The following NKX2-5 variants were observed in gnomAD, a reference collection of about 807,000 sequenced individuals.
The protein encoded by NKX2-5 is NK2 homeobox 5, also known as homeobox protein Nkx-2.5.
Under a neutral mutation model 24.5 loss-of-function variants are expected in NKX2-5, and 3 were observed. That is an observed-to-expected ratio of 0.12 (90% CI 0.06 to 0.32). NKX2-5 has a LOEUF of 0.32. Among genes scored for constraint, NKX2-5 ranks in the 10% least tolerant of loss-of-function variants. NKX2-5 has a pLI of 1.00. For synonymous variants in NKX2-5, 215 were observed against 217.6 expected, an observed-to-expected ratio of 0.99 and a Z score of 0.11; for missense variants, 429 against 452.4, an observed-to-expected ratio of 0.95 and a Z score of 0.47.
Position 173,233,162 on chromosome 5 carries a change from C to T in NKX2-5, c.382G>A (p.Asp128Asn), listed in dbSNP as rs779663474. 6 of 1,603,028 alleles carry T rather than the reference C, an allele frequency of 3.7e-6. No individual in the cohort carries two copies. The highest frequency in any genetic ancestry group is 3.3e-5 in the South Asian group (3 of 90,120). Residue 128 changes from aspartate to asparagine, a missense_variant, in exon 2 of 2, where the codon GAC becomes AAC. This residue lies in a region of NKX2-5 where 240 missense variants were observed against 240.4 expected (regional missense o/e 1.00). Coordinates refer to ENST00000329198, the MANE Select transcript of NKX2-5 (RefSeq NM_004387.4). ...CGCGCCCGGGGCCGCTCCGCGTTGT[C>T]CGCCTCTGTCTTCTCCAGCTCCACC... ...KAVELEKTEA[D>N]NAERPRARRR...
chr5:173,232,476 A>T lies in NKX2-5; in HGVS notation c.*93T>A. On this transcript the variant is annotated 3_prime_UTR_variant, in exon 2 of 2. Coordinates refer to ENST00000329198, the MANE Select transcript of NKX2-5 (RefSeq NM_004387.4). The surrounding 1 kb of genome is among the most constrained non-coding windows in gnomAD (Gnocchi z 5.9). Reference sequence around the variant, plus strand: ...CAGGAGTGAATGCAAAATCCAGGGGACTCAGGGTCATGTTGGGAGCCCCTT... The same window carrying T: ...CAGGAGTGAATGCAAAATCCAGGGGTCTCAGGGTCATGTTGGGAGCCCCTT... The T allele has an allele frequency of 6.4e-7, 1 of 1,556,556 alleles. No homozygotes were observed. Among genetic ancestry groups the T allele is most frequent in the East Asian group, 2.3e-5 (1 of 42,878 alleles).
chr5:173,234,861 G>A lies in NKX2-5; in HGVS notation c.223C>T (p.Arg75Cys), dbSNP rs1216673146. The A allele has an allele frequency of 1.3e-6, 2 of 1,591,198 alleles. No homozygotes were observed. The highest frequency in any genetic ancestry group is 1.1e-5 in the South Asian group (1 of 88,524). The stretch of plus-strand genomic sequence containing the variant: ...GCACACTTGGCCGGTGAAGGCGCGC[G>A]GCCCAGCTCTGCGCGCAGCTCTGGG... ...GLPELRAELG[R>C]APSPAKCASA... is the part of the protein sequence containing the mutation. The change falls in exon 1 of 2, where the codon CGC (arginine) becomes TGC (cysteine). Residue 75 changes from arginine to cysteine, a missense_variant. Arg to Cys is a radical substitution (Grantham distance 180). Around this residue, in one of 3 missense-constraint regions of NKX2-5, gnomAD observed 240 missense variants for 240.4 expected, o/e 1.00. Coordinates refer to ENST00000329198, the MANE Select transcript of NKX2-5 (RefSeq NM_004387.4).
rs1761443946 is a variant in NKX2-5 at position 173,235,015 on chromosome 5, C to A, written c.69G>T (p.Gln23His). ...CTCCGGCGGCAGCCAGGCTGCGCTG[C>A]TGCTGTTCCAGGTTTAGGATGTCTT... is the stretch of plus-strand genomic sequence containing the variant. ...SVKDILNLEQ[Q>H]QRSLAAAGEL... Residue 23 changes from glutamine to histidine, a missense_variant, in exon 1 of 2, where the codon CAG becomes CAT. By Grantham distance (24) the Gln-to-His change is conservative. Transcript: ENST00000329198. 6.2e-7 allele frequency: 1 copy of A among 1,612,182 alleles called. No individual in the cohort carries two copies. The highest frequency in any genetic ancestry group is 1.3e-5 in the African/African-American group (1 of 74,840).
chr5:173,233,417 C>T (rs1761374780), intron 1 of NKX2-5: 4 of 1,532,442 alleles, frequency 2.6e-6, no homozygotes, highest in Non-Finnish European at 3.5e-6. Flanking sequence ...TGGCTCAAGG[C>T]GCTGGAGAAC....
chr5:173,233,070 C>A lies in NKX2-5; in HGVS notation c.474G>T (p.Lys158Asn), dbSNP rs1057518548. The change falls in exon 2 of 2, where the codon AAG becomes AAT. Residue 158 changes from lysine to asparagine, a missense_variant. Around this residue, in one of 3 missense-constraint regions of NKX2-5, gnomAD observed 240 missense variants for 240.4 expected, o/e 1.00. Coordinates refer to ENST00000329198, the MANE Select transcript of NKX2-5 (RefSeq NM_004387.4). ...AQVYELERRF[K>N]QQRYLSAPER... ...CGGGGGCCGACAGGTACCGCTGCTG[C>A]TTGAAGCGCCGCTCCAGCTCATAGA... The A allele has an allele frequency of 6.2e-7, 1 of 1,602,510 alleles. No individual in the cohort carries two copies. Among genetic ancestry groups the A allele is most frequent in the African/African-American group, 1.3e-5 (1 of 74,874 alleles).
rs756023940 is a variant in NKX2-5, at chr5:173,233,356, T to G, written c.335-147A>C. On this transcript the variant is annotated intron_variant, in intron 1 of 1. Transcript: ENST00000329198. ...GCTGGCTGCGGCTCACTCTGCCAAG[T>G]GCACTGGGAGCCACCGACACGTCTC... 21 of 1,536,736 alleles carry G rather than the reference T, an allele frequency of 1.4e-5. No homozygotes were observed. In the South Asian group the frequency reaches 2.5e-4, roughly 18 times the overall value.
intron 1 of NKX2-5, 116 bp downstream of exon 1, chr5:173,234,634 C>G (rs1048507748): frequency 1.1e-6 from 1 of 947,016 alleles, no homozygotes; most frequent in Non-Finnish European, 1.5e-6. Context: ...ATTCTGAACC[C>G]CCCGCCGCAG....
At chr5:173,233,542 A>C in intron 1 of NKX2-5, 1 of 955,264 alleles carries the variant, frequency 1.0e-6, no homozygotes, top group Non-Finnish European at 1.6e-6. Context: ...TAAAAAAATA[A>C]AAATAAAACC....
In NKX2-5 at chr5:173,235,104, A is replaced by C; in HGVS notation, c.-21T>G. ...AACATGGTGGCAGCGCCAGTCTCAC[A>C]GCGCCAGGTGGGCGGCAGAAAGCGG... On this transcript the variant is annotated 5_prime_UTR_variant, in exon 1 of 2. Transcript: ENST00000329198. 1 of 1,589,664 alleles carries C rather than the reference A, an allele frequency of 6.3e-7. No homozygotes were observed. The highest frequency in any genetic ancestry group is 8.5e-7 in the Non-Finnish European group (1 of 1,170,568).
Position 173,233,029 on chromosome 5 carries a change from G to C in NKX2-5, c.515C>G (p.Ala172Gly). 1 of 1,608,630 alleles carries C rather than the reference G, an allele frequency of 6.2e-7. No homozygotes were observed. The highest frequency in any genetic ancestry group is 8.5e-7 in the Non-Finnish European group (1 of 1,177,944). ...YLSAPERDQL[A>G]SVLKLTSTQV... ...CGTGGACGTGAGTTTCAGCACGCTG[G>C]CCAGCTGGTCGCGTTCGGGGGCCGA... The change falls in exon 2 of 2, where the codon GCC (alanine) becomes GGC (glycine). Residue 172 changes from alanine to glycine, a missense_variant. Physicochemically the swap from Ala to Gly is moderately conservative, Grantham distance 60 (BLOSUM62 0). Transcript: ENST00000329198.
chr5:173,234,733 C>A lies in NKX2-5; in HGVS notation c.334+17G>T. On this transcript the variant is annotated intron_variant, in intron 1 of 1. Transcript: ENST00000329198. ...GCGACCCAGGAGGGGAGAAGGGGGC[C>A]TGTGTTTCCTCCTCACCTTTCTTTT... The A allele has an allele frequency of 6.7e-7, 1 of 1,499,042 alleles. No homozygotes were observed. The highest frequency in any genetic ancestry group is 8.9e-7 in the Non-Finnish European group (1 of 1,125,930). The allele number at this position is 1,499,042 out of a possible 1,614,324, so 92.9% of individuals were successfully genotyped here.
At position 173,234,917 on chromosome 5, in the gene NKX2-5, T is replaced by A; in HGVS notation, c.167A>T (p.Tyr56Phe). 6.2e-7 allele frequency: 1 copy of A among 1,610,084 alleles called. No individual in the cohort carries two copies. Reference protein sequence around the residue: ...CMLAAFKPEAYAGPEAAAPGL... With the variant: ...CMLAAFKPEAFAGPEAAAPGL... Reference sequence around the variant, plus strand: ...CGGCGCAGCCGCCTCGGGCCCAGCGTAGGCCTCTGGCTTGAAGGCGGCCAG... The same window carrying A: ...CGGCGCAGCCGCCTCGGGCCCAGCGAAGGCCTCTGGCTTGAAGGCGGCCAG... The change falls in exon 1 of 2, where the codon TAC becomes TTC. Residue 56 changes from tyrosine (Y) to phenylalanine (F), a missense_variant. Tyr to Phe is a conservative substitution (Grantham distance 22). This residue lies in a region of NKX2-5 where 240 missense variants were observed against 240.4 expected (regional missense o/e 1.00). Coordinates refer to ENST00000329198, the MANE Select transcript of NKX2-5 (RefSeq NM_004387.4).
chr5:173,233,467 G>C, intron 1 of NKX2-5: 7 of 1,413,016 alleles, frequency 5.0e-6, no homozygotes, highest in Non-Finnish European at 6.7e-6. Context: ...TTCACACCCT[G>C]GTGAGGGAGA....
At position 173,235,069 on chromosome 5, in the gene NKX2-5, A is replaced by G. The variant is rs747865362; in HGVS notation, c.15T>C (p.Pro5=). The part of the protein sequence containing the change: MFPS[P]ALTPTPFSVK... ...CTGAGAAGGGCGTGGGCGTGAGAGC[A>G]GGGCTGGGGAACATGGTGGCAGCGC... The change falls in exon 1 of 2, where the codon CCT becomes CCC. Residue 5 remains proline, a synonymous_variant. Transcript: ENST00000329198. 14 of 1,607,050 alleles carry G rather than the reference A, an allele frequency of 8.7e-6. No individual in the cohort carries two copies. Among genetic ancestry groups the G allele is most frequent in the Non-Finnish European group, 1.2e-5 (14 of 1,177,742 alleles).
At chr5:173,233,967 G>T (rs945498998) in intron 1 of NKX2-5, 2 of 1,214,102 alleles carry the variant, frequency 1.6e-6, no homozygotes, top group Non-Finnish European at 2.1e-6. Context: ...GGGCTGGGGG[G>T]TCTCCCAGAA....
At position 173,234,787 on chromosome 5, in the gene NKX2-5, G is replaced by T; in HGVS notation, c.297C>A (p.Asp99Glu). The T allele has an allele frequency of 6.4e-7, 1 of 1,571,302 alleles. No individual in the cohort carries two copies. Among genetic ancestry groups the T allele is most frequent in the Non-Finnish European group, 8.6e-7 (1 of 1,161,658 alleles). Residue 99 changes from aspartate to glutamate, a missense_variant, in exon 1 of 2, where the codon GAC becomes GAA. By Grantham distance (45) the Asp-to-Glu change is conservative (BLOSUM62 2). Transcript: ENST00000329198. ...CTCTAGGGTCCTTGGCTGGGTCGGG[G>T]TCGCTGTAGGCACGTGGATAGAAGG... is the stretch of plus-strand genomic sequence containing the variant. The part of the protein sequence containing the change: ...APAFYPRAYS[D>E]PDPAKDPRAE...
chr5:173,234,906 C>T lies in NKX2-5; in HGVS notation c.178G>A (p.Glu60Lys), dbSNP rs766199339. ...TCTGGGAGGCCCGGCGCAGCCGCCT[C>T]GGGCCCAGCGTAGGCCTCTGGCTTG... ...AFKPEAYAGPEAAAPGLPELR... is the reference protein window; with the variant it reads ...AFKPEAYAGPKAAAPGLPELR... The change falls in exon 1 of 2, where the codon GAG becomes AAG. Residue 60 changes from glutamate to lysine, a missense_variant. Physicochemically the swap from Glu to Lys is moderately conservative, Grantham distance 56 (BLOSUM62 1). This residue lies in a region of NKX2-5 where 240 missense variants were observed against 240.4 expected (regional missense o/e 1.00). Transcript: ENST00000329198. The T allele has an allele frequency of 1.4e-5, 22 of 1,607,754 alleles. No individual in the cohort carries two copies. The highest frequency in any genetic ancestry group is 1.7e-4 in the Middle Eastern group (1 of 5,988).
intron 1 of NKX2-5, chr5:173,233,866 C>G: frequency 2.0e-6 from 2 of 985,462 alleles, no homozygotes; most frequent in African/African-American, 1.7e-5. Flanking sequence ...CTCAACAAAC[C>G]TATGAATTCT....
At chr5:173,233,520 TAAATAAAAAAATAA>T in intron 1 of NKX2-5, 6 of 492,136 alleles carry the variant, frequency 1.2e-5, no homozygotes, top group Non-Finnish European at 1.7e-5. Flanking sequence ...AAAAAAAAAA[TAAATAAAAAAATAA>T]AAAAATAAAA....
Sources: gnomAD v4.1 joint callset for allele counts on GRCh38, gnomAD v4.1.1 for gene constraint, gnomAD v4.1.1 regional missense constraint, Gnocchi (gnomAD v3.1) non-coding constraint, MANE v1.5 for transcripts, NCBI Gene and HGNC (gene_info 2026-07-23, HGNC 2026-07-21) for gene names.